GPC6: variants seen among roughly 807,000 people sequenced by gnomAD.
GPC6 encodes glypican 6.
A neutral mutation model predicts 55.2 loss-of-function variants in GPC6; 14 were observed. The ratio of observed to expected loss-of-function variants is 0.25; its 90% confidence interval spans 0.17 to 0.40. GPC6 has a LOEUF of 0.40. GPC6 is among the 10% of genes least tolerant of loss of function. The pLI, the probability that GPC6 is intolerant of heterozygous loss-of-function variation, is 1.00. For missense variants in GPC6, 641 were observed against 708.5 expected, an observed-to-expected ratio of 0.90 and a Z score of 1.08; for synonymous variants, 278 against 259.6, an observed-to-expected ratio of 1.07 and a Z score of -0.68.
At chr13:93,512,787 G>C (rs1039907424) in intron 1 of GPC6, among the ~76,000 whole-genome samples, 9 of 151,982 alleles carry the variant, frequency 5.9e-5, no homozygotes, top group African/African-American at 2.2e-4. Context: ...TAGCTAAATG[G>C]TAGGTTGTTT....
chr13:94,059,205 A>G (rs1044550233), intron 4 of GPC6, among the ~76,000 whole-genome samples: 1 of 152,000 alleles, frequency 6.6e-6, no homozygotes, highest in African/African-American at 2.4e-5. Flanking sequence ...TGCATCCAGG[A>G]AAGCATTTTT....
chr13:93,425,838 C>T (rs1016350620), intron 1 of GPC6, among the ~76,000 whole-genome samples: 12 of 152,290 alleles, frequency 7.9e-5, no homozygotes, highest in East Asian at 7.7e-4. Context: ...AGGCAAATGT[C>T]GCAAATACAG....
chr13:93,498,493 G>A (rs901382243), intron 1 of GPC6, among the ~76,000 whole-genome samples: 13 of 152,172 alleles, frequency 8.5e-5, no homozygotes, highest in African/African-American at 3.1e-4. Context: ...GAAATCCCAT[G>A]TGTTGTGGGA....
At chr13:93,444,514 G>A (rs908000407) in intron 1 of GPC6, among the ~76,000 whole-genome samples, 1 of 152,174 alleles carries the variant, frequency 6.6e-6, no homozygotes, top group Non-Finnish European at 1.5e-5. Flanking sequence ...GACTGCGGCA[G>A]AAGAATCGCT....
chr13:94,147,807 T>C (rs764251474), intron 4 of GPC6, among the ~76,000 whole-genome samples: 3 of 152,162 alleles, frequency 2.0e-5, no homozygotes, highest in Non-Finnish European at 2.9e-5. Context: ...ACATTTTTAC[T>C]CATAACATTC....
intron 6 of GPC6, among the ~76,000 whole-genome samples, chr13:94,328,482 A>G (rs1325847135): frequency 1.3e-5 from 2 of 152,180 alleles, no homozygotes; most frequent in African/African-American, 4.8e-5. Context: ...GGGATGCTGG[A>G]ACAAAGCTTT....
intron 1 of GPC6, among the ~76,000 whole-genome samples, chr13:93,363,979 ATTG>A (rs1566318364): frequency 1.3e-5 from 2 of 150,852 alleles, no homozygotes; most frequent in Non-Finnish European, 3.0e-5. Context: ...TTTTGATGGG[ATTG>A]TTTGTTTTTT....
intron 1 of GPC6, among the ~76,000 whole-genome samples, chr13:93,278,281 C>T (rs1038323366): frequency 2.6e-5 from 4 of 152,138 alleles, no homozygotes; most frequent in African/African-American, 7.2e-5. Flanking sequence ...ATTGTGGTAA[C>T]AAATACGTAA....
At chr13:93,907,002 C>T (rs1876706137) in intron 3 of GPC6, among the ~76,000 whole-genome samples, 1 of 152,066 alleles carries the variant, frequency 6.6e-6, no homozygotes, top group Non-Finnish European at 1.5e-5. Context: ...GAGATAAGAA[C>T]TAGAGTTAAC....
intron 2 of GPC6, among the ~76,000 whole-genome samples, chr13:93,705,929 T>C (rs567246216): frequency 6.6e-6 from 1 of 151,624 alleles, no homozygotes; most frequent in African/African-American, 2.4e-5. Flanking sequence ...TATAAACCAA[T>C]GAAACATGAA....
intron 3 of GPC6, among the ~76,000 whole-genome samples, chr13:93,951,288 A>T (rs1419261283): frequency 6.6e-6 from 1 of 152,070 alleles, no homozygotes; most frequent in Non-Finnish European, 1.5e-5. Context: ...TGTTCAACTT[A>T]CCAAGCAAGC....
At chr13:93,449,525 T>G (rs1354648345) in intron 1 of GPC6, among the ~76,000 whole-genome samples, 1 of 152,118 alleles carries the variant, frequency 6.6e-6, no homozygotes, top group Non-Finnish European at 1.5e-5. Flanking sequence ...AACACCCTCT[T>G]TAAATTAAAA....
intron 1 of GPC6, among the ~76,000 whole-genome samples, chr13:93,459,802 T>C (rs568840199): frequency 1.6e-4 from 24 of 152,336 alleles, no homozygotes; most frequent in Middle Eastern, 6.8e-3. Flanking sequence ...TTTATAATTT[T>C]AGAATTAGTG....
At chr13:93,367,492 G>A (rs935875949) in intron 1 of GPC6, among the ~76,000 whole-genome samples, 8 of 151,824 alleles carry the variant, frequency 5.3e-5, no homozygotes. Context: ...GTCTTATTTA[G>A]GTTTACTTTT....
intron 1 of GPC6, among the ~76,000 whole-genome samples, chr13:93,492,726 C>A (rs573813173): frequency 6.6e-6 from 1 of 151,280 alleles, no homozygotes; most frequent in Admixed American, 6.6e-5. Context: ...GAGTTTTTAG[C>A]ATGAAGGGTT....
chr13:93,989,563 C>T (rs1356844034), intron 3 of GPC6, among the ~76,000 whole-genome samples: 1 of 152,158 alleles, frequency 6.6e-6, no homozygotes, highest in Non-Finnish European at 1.5e-5. Context: ...AAAGTCTGGG[C>T]TCAGTGCCGA....
At chr13:93,697,350 G>A (rs866984636) in intron 2 of GPC6, among the ~76,000 whole-genome samples, 34 of 152,242 alleles carry the variant, frequency 2.2e-4, no homozygotes, top group Middle Eastern at 3.4e-3. Context: ...CTCTCTCAGA[G>A]CACTTGCTTT....
intron 2 of GPC6, among the ~76,000 whole-genome samples, chr13:93,802,707 C>T (rs542841739): frequency 6.6e-6 from 1 of 152,088 alleles, no homozygotes; most frequent in East Asian, 1.9e-4. Context: ...CTGAAAATAA[C>T]CTTTTACAGA....
At chr13:93,846,189 G>A (rs1041043752) in intron 3 of GPC6, among the ~76,000 whole-genome samples, 1 of 152,044 alleles carries the variant, frequency 6.6e-6, no homozygotes. Flanking sequence ...CCTATTTTAT[G>A]TCATTATAAT....
Sources: gnomAD v4.1 joint callset for allele counts (sites outside exome capture counted in the v4.1 genomes callset) on GRCh38, gnomAD v4.1.1 for gene constraint, MANE v1.5 for transcripts, NCBI Gene and HGNC (gene_info 2026-07-23, HGNC 2026-07-21) for gene names.